The following CNTNAP2 variants were observed in gnomAD, a reference collection of about 807,000 sequenced individuals.
CNTNAP2 encodes the protein contactin-associated protein-like 2.
In CNTNAP2, 98 loss-of-function variants were observed where a neutral mutation model predicts 155.2. The observed-to-expected ratio is 0.63, with a 90% CI of 0.54 to 0.75. The LOEUF (loss-of-function observed/expected upper bound fraction) is 0.75. CNTNAP2 is among the 30% of genes least tolerant of loss of function. The pLI is 0.00. For missense variants in CNTNAP2, 1,727 were observed against 1,688.1 expected, an observed-to-expected ratio of 1.02 and a Z score of -0.40; for synonymous variants, 651 against 631.2, an observed-to-expected ratio of 1.03 and a Z score of -0.47.
At chr7:146,535,204 C>T (rs13235312) in intron 1 of CNTNAP2, among the ~76,000 whole-genome samples, 2 of 32,548 alleles carry the variant, frequency 6.1e-5, no homozygotes, top group African/African-American at 3.7e-4. Context: ...TATCATATAT[C>T]ATATATATGA....
chr7:146,938,155 A>G (rs1796963361), intron 3 of CNTNAP2, among the ~76,000 whole-genome samples: 3 of 152,234 alleles, frequency 2.0e-5, no homozygotes, highest in Middle Eastern at 3.4e-3. Flanking sequence ...TCCCCTAGTC[A>G]TTTACAGAGC....
chr7:147,225,930 GGAAA>G (rs796339082), intron 8 of CNTNAP2, among the ~76,000 whole-genome samples: 1 of 124,662 alleles, frequency 8.0e-6, no homozygotes, highest in Non-Finnish European at 1.8e-5. Context: ...AAAGAAGGAA[GGAAA>G]GAAGGAAGGA....
At chr7:146,947,578 T>TAC (rs58032772) in intron 3 of CNTNAP2, among the ~76,000 whole-genome samples, 24,347 of 63,412 alleles carry the variant, frequency 0.38, 2,373 homozygotes, top group East Asian at 0.46. Context: ...TATATATACA[T>TAC]ATATATATAT....
chr7:146,364,281 C>A (rs145397727), intron 1 of CNTNAP2, among the ~76,000 whole-genome samples: 1 of 152,136 alleles, frequency 6.6e-6, no homozygotes, highest in Non-Finnish European at 1.5e-5. Flanking sequence ...CACTCCAAAG[C>A]GTGATCAGAG....
chr7:146,470,511 T>G (rs1796782076), intron 1 of CNTNAP2, among the ~76,000 whole-genome samples: 2 of 152,170 alleles, frequency 1.3e-5, no homozygotes, highest in African/African-American at 2.4e-5. Flanking sequence ...TGAATGAATC[T>G]TTCTAATTTT....
intron 16 of CNTNAP2, among the ~76,000 whole-genome samples, chr7:148,119,120 A>C (rs1204517012): frequency 6.6e-6 from 1 of 152,164 alleles, no homozygotes; most frequent in Non-Finnish European, 1.5e-5. Context: ...TGTGAGAGTC[A>C]GGGAGACTCC....
intron 15 of CNTNAP2, among the ~76,000 whole-genome samples, chr7:148,043,390 G>A (rs1201069478): frequency 6.6e-6 from 1 of 152,142 alleles, no homozygotes; most frequent in African/African-American, 2.4e-5. Context: ...GAAACACACA[G>A]GAGGCCTCTT....
At chr7:148,029,676 C>T (rs193097315) in intron 15 of CNTNAP2, among the ~76,000 whole-genome samples, 52 of 152,192 alleles carry the variant, frequency 3.4e-4, no homozygotes, top group East Asian at 2.1e-3. Context: ...TTTAAACCTG[C>T]GAATATAATA....
chr7:147,116,403 G>A (rs1178649564), intron 5 of CNTNAP2, among the ~76,000 whole-genome samples: 1 of 152,122 alleles, frequency 6.6e-6, no homozygotes, highest in Admixed American at 6.5e-5. Context: ...GGCTCTCCAA[G>A]GCCCACAGGC....
At chr7:147,952,412 A>C (rs1421342613) in intron 14 of CNTNAP2, among the ~76,000 whole-genome samples, 1 of 151,968 alleles carries the variant, frequency 6.6e-6, no homozygotes, top group East Asian at 1.9e-4. Context: ...ATTGCACTCC[A>C]GGCAGGGCGA....
At chr7:147,511,660 T>C (rs867363941) in intron 11 of CNTNAP2, among the ~76,000 whole-genome samples, 3 of 152,078 alleles carry the variant, frequency 2.0e-5, no homozygotes, top group African/African-American at 7.2e-5. Flanking sequence ...AACAGACCCA[T>C]AGCTCCCCAA....
intron 15 of CNTNAP2, among the ~76,000 whole-genome samples, chr7:148,002,035 T>A (rs1168316277): frequency 6.6e-6 from 1 of 152,232 alleles, no homozygotes; most frequent in Non-Finnish European, 1.5e-5. Context: ...AAAATTATTT[T>A]GCTACTAAAA....
intron 8 of CNTNAP2, among the ~76,000 whole-genome samples, chr7:147,201,383 G>A (rs6954110): frequency 0.47 from 71,808 of 151,966 alleles, 17,645 homozygotes; most frequent in Middle Eastern, 0.63. Flanking sequence ...AGGCGTGAAT[G>A]TCTCATTAAC....
intron 3 of CNTNAP2, among the ~76,000 whole-genome samples, chr7:147,034,354 G>A (rs536400295): frequency 6.6e-6 from 1 of 152,334 alleles, no homozygotes; most frequent in Admixed American, 6.5e-5. Flanking sequence ...TGATAGGGGT[G>A]TGGCTCACTT....
intron 9 of CNTNAP2, among the ~76,000 whole-genome samples, chr7:147,307,117 A>C (rs928185195): frequency 2.0e-5 from 3 of 152,212 alleles, no homozygotes. Context: ...TAGAAATATT[A>C]CAAAGTGTTC....
chr7:147,178,694 A>G (rs1802397282), intron 8 of CNTNAP2, among the ~76,000 whole-genome samples: 1 of 152,172 alleles, frequency 6.6e-6, no homozygotes, highest in South Asian at 2.1e-4. Flanking sequence ...AACATGGAGG[A>G]GAAAATAATG....
chr7:146,532,775 G>A (rs997689707), intron 1 of CNTNAP2, among the ~76,000 whole-genome samples: 1 of 151,942 alleles, frequency 6.6e-6, no homozygotes, highest in African/African-American at 2.4e-5. Flanking sequence ...ACAAGGAAAA[G>A]GTCATAGAGG....
intron 1 of CNTNAP2, among the ~76,000 whole-genome samples, chr7:146,341,683 C>T (rs1449012257): frequency 6.6e-6 from 1 of 151,868 alleles, no homozygotes; most frequent in African/African-American, 2.4e-5. Flanking sequence ...TGTGAAAAAG[C>T]AACTTTAGTA....
At chr7:147,964,094 G>T (rs1313312221) in intron 14 of CNTNAP2, among the ~76,000 whole-genome samples, 3 of 151,972 alleles carry the variant, frequency 2.0e-5, no homozygotes, top group Admixed American at 6.6e-5. Flanking sequence ...CGATGGGGGT[G>T]GTGCCCTTAT....
Sources: allele counts gnomAD v4.1 joint callset (sites outside exome capture counted in the v4.1 genomes callset), GRCh38; gene constraint gnomAD v4.1.1; transcripts MANE v1.5; gene names NCBI Gene and HGNC (gene_info 2026-07-23, HGNC 2026-07-21).